Variants in ANKRD26 observed in about 807,000 individuals in gnomAD.
The protein encoded by ANKRD26 is ankyrin repeat domain 26, also known as ankyrin repeat domain-containing protein 26.
A neutral mutation model predicts 208.7 loss-of-function variants in ANKRD26; 141 were observed. The ratio of observed to expected loss-of-function variants is 0.68; its 90% CI spans 0.59 to 0.78. The LOEUF (loss-of-function observed/expected upper bound fraction) is 0.78, where lower values mean the gene tolerates loss of function less well. Ranked by LOEUF, ANKRD26 falls within the 30% of genes least tolerant of loss-of-function variation. ANKRD26 has a pLI of 0.00. For synonymous variants in ANKRD26, 636 were observed against 660.4 expected (o/e 0.96, Z 0.57); for missense variants, 1,889 against 1,938.7 (o/e 0.97, Z 0.48).
intron 1 of ANKRD26, among the ~76,000 whole-genome samples, chr10:27,095,509 A>G (rs1224693507): frequency 6.6e-6 from 1 of 152,186 alleles, no homozygotes; most frequent in Non-Finnish European, 1.5e-5. Flanking sequence ...CTCTGCTAAA[A>G]ATACAAAAAG....
Position 27,013,195 on chromosome 10 carries a change from C to A in ANKRD26, c.4725-85G>T, listed in dbSNP as rs563205301. 31 of 1,167,526 alleles carry A rather than the reference C, an allele frequency of 2.7e-5. No homozygotes were observed. The East Asian group carries it at 7.8e-4, about 29-fold the overall frequency. 72.3% of individuals were successfully genotyped at this position (1,167,526 alleles called of 1,614,324 possible). ...AAGACTTGCAATTTTTAAAAAGTTA[C>A]CATAGGAGTAAATGAAATTTCCCAT... On this transcript the variant is annotated intron_variant, in intron 31 of 33. Coordinates refer to ENST00000376087, the MANE Select transcript of ANKRD26 (RefSeq NM_014915.3).
intron 20 of ANKRD26, among the ~76,000 whole-genome samples, chr10:27,042,732 G>A (rs1001332123): frequency 6.9e-6 from 1 of 144,644 alleles, no homozygotes; most frequent in Admixed American, 7.4e-5. Context: ...CAGCCTGGAC[G>A]ACAGAGCGAG....
chr10:27,004,980 T>G lies in ANKRD26; in HGVS notation c.*610A>C, dbSNP rs1051965259. 2 of 937,898 alleles carry G rather than the reference T, an allele frequency of 2.1e-6. No individual in the cohort carries two copies. Among genetic ancestry groups the G allele is most frequent in the African/African-American group, 3.6e-5 (2 of 56,174 alleles). The allele number at this position is 937,898 out of a possible 1,614,324, so 58.1% of individuals were successfully genotyped here. ...GGGTGATGACATAATGTCAGCAATT[T>G]ACTCTCAAATTGTTCGGAGGAGAAA... On this transcript the variant is annotated 3_prime_UTR_variant, in exon 34 of 34. Coordinates refer to ENST00000376087, the MANE Select transcript of ANKRD26 (RefSeq NM_014915.3).
intron 23 of ANKRD26, among the ~76,000 whole-genome samples, chr10:27,036,441 T>C (rs1472632102): frequency 6.6e-6 from 1 of 152,090 alleles, no homozygotes; most frequent in African/African-American, 2.4e-5. Context: ...GGTATAAATA[T>C]TTAAATACAA....
At position 27,035,670 on chromosome 10, in the gene ANKRD26, T is replaced by C. The variant is rs2054019591; in HGVS notation, c.2780A>G (p.Glu927Gly). 1 of 1,599,872 alleles carries C rather than the reference T, an allele frequency of 6.3e-7. No homozygotes were observed. Among genetic ancestry groups the C allele is most frequent in the Admixed American group, 1.8e-5 (1 of 56,354 alleles). ...LQEEIAMLRL[E>G]IDTIKNQNQE... Reference sequence around the variant, plus strand: ...GTTTTGATTTTTTATTGTGTCTATTTCTAGTCTTAGCATAGCAATTTCTTC... The same window carrying C: ...GTTTTGATTTTTTATTGTGTCTATTCCTAGTCTTAGCATAGCAATTTCTTC... The change falls in exon 24 of 34, where the codon GAA becomes GGA. Residue 927 changes from glutamate to glycine, a missense_variant. Physicochemically the swap from Glu to Gly is moderately conservative, Grantham distance 98 (BLOSUM62 -2). This residue lies in a region of ANKRD26 where 1,272 missense variants were observed against 1,273.8 expected (regional missense o/e 1.00). Transcript: ENST00000376087.
intron 11 of ANKRD26, among the ~76,000 whole-genome samples, chr10:27,065,339 G>C (rs1217744263): frequency 6.6e-6 from 1 of 152,084 alleles, no homozygotes; most frequent in East Asian, 1.9e-4. Context: ...CACATGGTTG[G>C]TACTCAATAA....
At chr10:27,079,194 T>G in intron 6 of ANKRD26, 33 bp from the exon 7 acceptor site, 153 of 1,528,190 alleles carry the variant, frequency 1.0e-4, no homozygotes, top group Non-Finnish European at 1.3e-4. Context: ...AATGAGTGAA[T>G]TCATTTCTTT....
At chr10:27,080,575 A>C in intron 6 of ANKRD26, 1 of 948,670 alleles carries the variant, frequency 1.1e-6, no homozygotes, top group Non-Finnish European at 1.3e-6. Context: ...TGCTGGAGAA[A>C]GAGTCCTGGT....
intron 16 of ANKRD26, 56 bp downstream of exon 16, chr10:27,053,264 A>G (rs1324913154): frequency 1.6e-6 from 2 of 1,252,342 alleles, no homozygotes; most frequent in Non-Finnish European, 2.3e-6. Flanking sequence ...ACTATGTTAC[A>G]TCATTAAAGC....
At chr10:26,966,869 T>C in the ANKRD26 span, among the ~76,000 whole-genome samples, 1 of 152,174 alleles carries the variant, frequency 6.6e-6, no homozygotes. Context: ...TTCATAGTCT[T>C]GATTCATAAT....
intron 16 of ANKRD26, chr10:27,051,744 G>A (rs754486509): frequency 1.0e-6 from 1 of 985,246 alleles, no homozygotes; most frequent in African/African-American, 1.7e-5. Flanking sequence ...TACAGAGACA[G>A]GAGAATCTTT....
At chr10:27,024,793 T>C (rs539948531) in intron 27 of ANKRD26, among the ~76,000 whole-genome samples, 3 of 152,298 alleles carry the variant, frequency 2.0e-5, no homozygotes, top group African/African-American at 7.2e-5. Flanking sequence ...TTTTTACATA[T>C]AAAATACTAA....
Position 27,059,073 on chromosome 10 carries a change from C to A in ANKRD26, c.1564+1272G>T, listed in dbSNP as rs2054952519. ...GGGACTACGGGAGCCTGCCACCACG[C>A]CTGGCTAATTTTTTGTATTTTTGGT... On this transcript the variant is annotated intron_variant, in intron 15 of 33. Transcript: ENST00000376087. Among the ~76,000 whole-genome samples, 5 of 151,966 alleles carry A rather than the reference C, an allele frequency of 3.3e-5. No homozygotes were observed. The South Asian group carries it at 1.0e-3, about 32-fold the overall frequency.
chr10:27,023,027 T>C (rs574001143), intron 28 of ANKRD26, among the ~76,000 whole-genome samples: 1 of 152,134 alleles, frequency 6.6e-6, no homozygotes, highest in Admixed American at 6.5e-5. Context: ...GAGTCCAAGG[T>C]GAAGAGGAAA....
chr10:27,045,487 A>G (rs2054410321), intron 18 of ANKRD26, among the ~76,000 whole-genome samples: 1 of 152,152 alleles, frequency 6.6e-6, no homozygotes, highest in South Asian at 2.1e-4. Flanking sequence ...GCATAAGGCA[A>G]CATGGTTTTT....
At chr10:27,028,421 C>A (rs1299519967) in intron 27 of ANKRD26, among the ~76,000 whole-genome samples, 2 of 151,342 alleles carry the variant, frequency 1.3e-5, no homozygotes, top group Non-Finnish European at 2.9e-5. Context: ...ACGGTGAAAC[C>A]CTGTCTCTAC....
chr10:27,029,701 C>G (rs3824690), intron 25 of ANKRD26, among the ~76,000 whole-genome samples: 1 of 152,064 alleles, frequency 6.6e-6, no homozygotes, highest in African/African-American at 2.4e-5. Context: ...AATTACCTTA[C>G]GATAAGCATT....
chr10:27,093,678 T>A lies in ANKRD26; in HGVS notation c.357+7A>T. The A allele has an allele frequency of 6.2e-7, 1 of 1,612,312 alleles. No homozygotes were observed. ...ATCTGATGCTGAAAGAGCTGGCTAC[T>A]ATATACCTTCATCAGAGCTGTCCTG... On this transcript the variant is annotated splice_region_variant and intron_variant, in intron 2 of 33. Coordinates refer to ENST00000376087, the MANE Select transcript of ANKRD26 (RefSeq NM_014915.3).
At chr10:27,058,915 T>G (rs1461449015) in intron 15 of ANKRD26, among the ~76,000 whole-genome samples, 1 of 81,458 alleles carries the variant, frequency 1.2e-5, no homozygotes, top group Non-Finnish European at 3.2e-5. Context: ...TTGTTTTTTG[T>G]TTTTTTGTTT....
Sources: gnomAD v4.1 joint callset for allele counts (sites outside exome capture counted in the v4.1 genomes callset) on GRCh38, gnomAD v4.1.1 for gene constraint, gnomAD v4.1.1 regional missense constraint, MANE v1.5 for transcripts, NCBI Gene and HGNC (gene_info 2026-07-23, HGNC 2026-07-21) for gene names.